The following SYT1 variants were observed in gnomAD, a reference collection of about 807,000 sequenced individuals.
SYT1 encodes the protein synaptotagmin 1, also known as synaptotagmin-1.
Under a neutral mutation model 44.8 loss-of-function variants are expected in SYT1, and 8 were observed. That is an observed-to-expected ratio of 0.18 (90% confidence interval 0.10 to 0.32). The LOEUF (loss-of-function observed/expected upper bound fraction) is 0.32, where lower values mean the gene tolerates loss of function less well. Ranked by LOEUF, SYT1 falls within the 10% of genes least tolerant of loss-of-function variation. SYT1 has a pLI of 1.00. For synonymous variants in SYT1, 154 were observed against 188.8 expected (o/e 0.82, Z 1.51); for missense variants, 286 against 509.3 (o/e 0.56, Z 4.22).
Position 78,895,111 on chromosome 12 carries a change from A to G in SYT1, c.-217+30002A>G, listed in dbSNP as rs1325770231. 3.3e-5 allele frequency among the ~76,000 whole-genome samples: 5 copies of G among 151,746 alleles called. No individual in the cohort carries two copies. The Admixed American group carries it at 3.3e-4, about 10-fold the overall frequency. The stretch of plus-strand genomic sequence containing the variant: ...GTGACCAAGCCACTATTTTTGATGT[A>G]TTCTCCGTTGAGGTTTTCCATACCA... On this transcript the variant is annotated intron_variant, in intron 1 of 10. Transcript: ENST00000261205.
At chr12:79,262,128 G>A (rs1374297586) in intron 4 of SYT1, among the ~76,000 whole-genome samples, 5 of 152,118 alleles carry the variant, frequency 3.3e-5, no homozygotes, top group Admixed American at 2.0e-4. Context: ...GCCATTTCAG[G>A]AACTTATTTG....
chr12:78,890,618 C>T (rs1875001448), intron 1 of SYT1, among the ~76,000 whole-genome samples: 1 of 151,774 alleles, frequency 6.6e-6, no homozygotes, highest in African/African-American at 2.4e-5. Context: ...TATCATCTTC[C>T]TCCTCGCTCC....
At chr12:78,901,928 A>G (rs1472853623) in intron 1 of SYT1, among the ~76,000 whole-genome samples, 1 of 152,082 alleles carries the variant, frequency 6.6e-6, no homozygotes, top group African/African-American at 2.4e-5. Flanking sequence ...CAGCAAACCA[A>G]CACAAGAATA....
chr12:79,423,547 A>T (rs1869249115), intron 9 of SYT1, among the ~76,000 whole-genome samples: 4 of 152,038 alleles, frequency 2.6e-5, no homozygotes, highest in Admixed American at 2.6e-4. Flanking sequence ...CAAAAACATA[A>T]AGCTGAGGTG....
At chr12:79,078,818 G>A (rs887234705) in intron 3 of SYT1, among the ~76,000 whole-genome samples, 6 of 152,104 alleles carry the variant, frequency 3.9e-5, no homozygotes, top group Non-Finnish European at 5.9e-5. Context: ...AAACGGGAGC[G>A]TTATTTCCTG....
At chr12:78,976,503 GGC>G (rs1868845382) in intron 1 of SYT1, 1 of 152,134 alleles carries the variant, frequency 6.6e-6, no homozygotes, top group Non-Finnish European at 1.5e-5. Flanking sequence ...TCCACTGGTT[GGC>G]GAAGAGAATG....
At chr12:79,228,651 T>G (rs1875670842) in intron 4 of SYT1, among the ~76,000 whole-genome samples, 1 of 152,156 alleles carries the variant, frequency 6.6e-6, no homozygotes, top group Admixed American at 6.5e-5. Context: ...CATGCTCTTT[T>G]TGGGCAGTTT....
intron 3 of SYT1, among the ~76,000 whole-genome samples, chr12:79,185,932 T>C (rs913927943): frequency 1.3e-5 from 2 of 152,038 alleles, no homozygotes; most frequent in African/African-American, 4.8e-5. Context: ...ATGTTAAGAA[T>C]TTAACTGTTT....
At chr12:79,424,056 A>G (rs1275480509) in intron 9 of SYT1, among the ~76,000 whole-genome samples, 1 of 152,024 alleles carries the variant, frequency 6.6e-6, no homozygotes, top group Non-Finnish European at 1.5e-5. Flanking sequence ...ATGTCCCTCA[A>G]ACAAGTCATA....
At chr12:79,398,347 T>A (rs1208631830) in intron 9 of SYT1, among the ~76,000 whole-genome samples, 2 of 152,250 alleles carry the variant, frequency 1.3e-5, no homozygotes, top group Non-Finnish European at 2.9e-5. Flanking sequence ...AAATACTGTC[T>A]TAAAATATCT....
chr12:78,978,409 C>T, intron 2 of SYT1, among the ~76,000 whole-genome samples: 1 of 152,156 alleles, frequency 6.6e-6, no homozygotes, highest in East Asian at 1.9e-4. Flanking sequence ...CTGATGTTTC[C>T]TTGTACCATG....
chr12:79,133,141 T>C (rs1053445860), intron 3 of SYT1, among the ~76,000 whole-genome samples: 16 of 152,100 alleles, frequency 1.1e-4, no homozygotes, highest in Admixed American at 1.0e-3. Flanking sequence ...GATAGATAGA[T>C]AGAAGGAGTA....
At chr12:78,937,669 T>C (rs888602894) in intron 1 of SYT1, among the ~76,000 whole-genome samples, 2 of 152,186 alleles carry the variant, frequency 1.3e-5, no homozygotes, top group African/African-American at 4.8e-5. Flanking sequence ...AAACGGTGTT[T>C]ATGTGTCATT....
At chr12:79,319,820 G>A (rs1881268768) in intron 8 of SYT1, among the ~76,000 whole-genome samples, 1 of 152,102 alleles carries the variant, frequency 6.6e-6, no homozygotes, top group African/African-American at 2.4e-5. Flanking sequence ...CCACAATAGT[G>A]CAAGTTCCTG....
intron 1 of SYT1, among the ~76,000 whole-genome samples, chr12:78,958,551 T>C (rs1301669250): frequency 1.3e-5 from 2 of 151,936 alleles, no homozygotes; most frequent in East Asian, 3.9e-4. Context: ...AAAAATATGC[T>C]GGGTGTGGTG....
intron 3 of SYT1, among the ~76,000 whole-genome samples, chr12:79,153,699 A>G (rs1870419072): frequency 6.6e-6 from 1 of 152,116 alleles, no homozygotes; most frequent in Non-Finnish European, 1.5e-5. Context: ...CTCTGACATA[A>G]AAATCATTCA....
At chr12:79,079,513 A>G (rs1375688655) in intron 3 of SYT1, among the ~76,000 whole-genome samples, 24 of 152,060 alleles carry the variant, frequency 1.6e-4, no homozygotes, top group Admixed American at 1.6e-3. Flanking sequence ...TATGATATAT[A>G]TGTTGTTATT....
intron 9 of SYT1, among the ~76,000 whole-genome samples, chr12:79,408,937 G>A (rs1055181064): frequency 6.6e-6 from 1 of 151,878 alleles, no homozygotes; most frequent in African/African-American, 2.4e-5. Flanking sequence ...TCTGTTCTCT[G>A]ATCTCCTCAT....
Position 79,329,248 on chromosome 12 carries a change from A to G in SYT1, c.811-24254A>G, listed in dbSNP as rs187685333. On this transcript the variant is annotated intron_variant, in intron 8 of 10. Transcript: ENST00000261205. ...GGAAAGGGCCCAAGTGTGGTAAGATACACACCTCCACATAGATGTCTTACA... is the reference window on the plus strand; with the variant it reads ...GGAAAGGGCCCAAGTGTGGTAAGATGCACACCTCCACATAGATGTCTTACA... 4.2e-3 allele frequency among the ~76,000 whole-genome samples: 642 copies of G among 152,260 alleles called. 3 individuals carry two copies. The highest frequency in any genetic ancestry group is 0.026 in the South Asian group (123 of 4,818).
Sources: allele counts gnomAD v4.1 joint callset (sites outside exome capture counted in the v4.1 genomes callset), GRCh38; gene constraint gnomAD v4.1.1; transcripts MANE v1.5; gene names NCBI Gene and HGNC (gene_info 2026-07-23, HGNC 2026-07-21).